ADGRV1: variants seen among roughly 807,000 people sequenced by gnomAD.
ADGRV1 encodes the protein G-protein coupled receptor 98.
In ADGRV1, 359 loss-of-function variants were observed where a neutral mutation model predicts 596.2. The observed-to-expected ratio is 0.60, with a 90% CI of 0.55 to 0.66. ADGRV1 has a LOEUF of 0.66. Among genes scored for constraint, ADGRV1 ranks in the 30% least tolerant of loss-of-function variants. The pLI is 0.00. For missense variants in ADGRV1, 7,274 were observed against 7,575.6 expected (o/e 0.96, Z 1.48); for synonymous variants, 2,681 against 2,679.2 (o/e 1.00, Z -0.02).
At chr5:91,077,566 T>A (rs1484762318) in intron 86 of ADGRV1, among the ~76,000 whole-genome samples, 1 of 152,280 alleles carries the variant, frequency 6.6e-6, no homozygotes, top group East Asian at 1.9e-4. Context: ...ATACACTCAG[T>A]GCTATAGATG....
At chr5:90,577,891 A>T (rs1379132228) in intron 1 of ADGRV1, among the ~76,000 whole-genome samples, 1 of 152,070 alleles carries the variant, frequency 6.6e-6, no homozygotes, top group East Asian at 1.9e-4. Flanking sequence ...TGTGAATGGG[A>T]ATTCACTCAT....
intron 11 of ADGRV1, among the ~76,000 whole-genome samples, chr5:90,641,552 T>A (rs1431556330): frequency 6.6e-6 from 1 of 152,228 alleles, no homozygotes; most frequent in Non-Finnish European, 1.5e-5. Context: ...ATTATGACTG[T>A]TTTAACAATA....
rs1408086664 is a variant in ADGRV1 at position 90,680,582 on chromosome 5, CCTT to C, written c.5525-729_5525-727del. ...GAAGAGCATTTTCTAATCCTCAAAT[CCTT>C]CTTTTTTCACAATGTCAGATTTTAT... On this transcript the variant is annotated intron_variant, in intron 26 of 89. Transcript: ENST00000405460. Among the ~76,000 whole-genome samples, 8 of 152,128 alleles carry C rather than the reference CCTT, an allele frequency of 5.3e-5. No homozygotes were observed. The South Asian group carries it at 1.7e-3, about 32-fold the overall frequency.
intron 82 of ADGRV1, among the ~76,000 whole-genome samples, chr5:90,859,686 TG>T (rs1767359639): frequency 6.6e-6 from 1 of 152,170 alleles, no homozygotes; most frequent in Non-Finnish European, 1.5e-5. Flanking sequence ...TCCAGGTTGA[TG>T]GGGATATTTT....
intron 1 of ADGRV1, among the ~76,000 whole-genome samples, chr5:90,596,178 C>A (rs1760534668): frequency 1.3e-5 from 2 of 148,882 alleles, no homozygotes; most frequent in Admixed American, 6.6e-5. Flanking sequence ...GCGCTCCCCA[C>A]ATCCCAGACG....
chr5:90,974,054 AACAG>A (rs1779321539), intron 84 of ADGRV1, among the ~76,000 whole-genome samples: 1 of 152,186 alleles, frequency 6.6e-6, no homozygotes, highest in East Asian at 1.9e-4. Flanking sequence ...ATACACCAAT[AACAG>A]ACAAACAGAG....
intron 87 of ADGRV1, among the ~76,000 whole-genome samples, chr5:91,112,515 G>A (rs570654162): frequency 4.6e-4 from 70 of 152,230 alleles, no homozygotes; most frequent in South Asian, 6.2e-4. Context: ...AACAAGATGC[G>A]TACGTCCTCT....
At chr5:90,855,966 A>G (rs1385355926) in intron 82 of ADGRV1, 65 bp downstream of exon 82, 2 of 1,343,574 alleles carry the variant, frequency 1.5e-6, no homozygotes, top group Non-Finnish European at 2.1e-6. Flanking sequence ...CTGTTTTCCC[A>G]TAATCCTTTT....
intron 83 of ADGRV1, among the ~76,000 whole-genome samples, chr5:90,923,040 GA>G (rs1364805454): frequency 6.6e-6 from 1 of 152,044 alleles, no homozygotes; most frequent in Non-Finnish European, 1.5e-5. Context: ...GTTATGCTTA[GA>G]ATTTGGGTGT....
intron 36 of ADGRV1, 90 bp from the exon 37 acceptor site, chr5:90,705,310 T>G (rs1748446796): frequency 9.6e-7 from 1 of 1,041,494 alleles, no homozygotes; most frequent in African/African-American, 1.6e-5. Flanking sequence ...ACACTTTTGA[T>G]TACCTTAATG....
At chr5:90,928,554 C>T (rs1289086592) in intron 83 of ADGRV1, among the ~76,000 whole-genome samples, 1 of 150,248 alleles carries the variant, frequency 6.7e-6, no homozygotes, top group Non-Finnish European at 1.5e-5. Context: ...TCAAAGTTTT[C>T]AACTTCTTTG....
At chr5:90,912,425 G>C (rs1772969659) in intron 83 of ADGRV1, among the ~76,000 whole-genome samples, 1 of 152,144 alleles carries the variant, frequency 6.6e-6, no homozygotes, top group South Asian at 2.1e-4. Flanking sequence ...ATGCAGATTT[G>C]TTAGTTACAG....
At chr5:91,041,205 C>G (rs1785317798) in intron 85 of ADGRV1, among the ~76,000 whole-genome samples, 1 of 152,270 alleles carries the variant, frequency 6.6e-6, no homozygotes, top group African/African-American at 2.4e-5. Flanking sequence ...TATTGCAGCA[C>G]TATTCACAAT....
At chr5:90,713,240 T>C (rs2149726857) in intron 42 of ADGRV1, among the ~76,000 whole-genome samples, 1 of 152,206 alleles carries the variant, frequency 6.6e-6, no homozygotes, top group East Asian at 1.9e-4. Context: ...ATTTGATTTG[T>C]AGTAGAAAAT....
At chr5:90,752,944 A>G (rs894975497) in intron 53 of ADGRV1, among the ~76,000 whole-genome samples, 5 of 152,182 alleles carry the variant, frequency 3.3e-5, no homozygotes, top group Non-Finnish European at 7.4e-5. Flanking sequence ...TTGTAGCTGC[A>G]TTGCTGGAGA....
chr5:90,756,999 T>C lies in ADGRV1; in HGVS notation c.11778T>C (p.Thr3926=). The change falls in exon 57 of 90, where the codon ACT becomes ACC. Residue 3926 remains threonine, a synonymous_variant. Coordinates refer to ENST00000405460, the MANE Select transcript of ADGRV1 (RefSeq NM_032119.4). ...TAAAGGGCGCTGGGGAAGTTATTAC[T>C]GCCTATGAGGTGCCTCCACCCTTGA... ...HVTRGAGEVI[T]AYEVPPPLNV... The C allele has an allele frequency of 6.2e-7, 1 of 1,605,892 alleles. No individual in the cohort carries two copies. The highest frequency in any genetic ancestry group is 1.1e-5 in the South Asian group (1 of 89,684).
At chr5:91,048,373 G>A (rs1372108384) in intron 85 of ADGRV1, among the ~76,000 whole-genome samples, 9 of 152,126 alleles carry the variant, frequency 5.9e-5, no homozygotes, top group Non-Finnish European at 1.3e-4. Context: ...GCAACACTTT[G>A]GCCCAATAAA....
chr5:91,153,432 G>A, intron 89 of ADGRV1, 34 bp downstream of exon 89: 1 of 1,449,228 alleles, frequency 6.9e-7, no homozygotes, highest in Non-Finnish European at 9.4e-7. Flanking sequence ...ATTAGAAGTA[G>A]GCACTCTTGC....
chr5:90,858,790 T>C (rs1451638395), intron 82 of ADGRV1, among the ~76,000 whole-genome samples: 2 of 152,202 alleles, frequency 1.3e-5, no homozygotes, highest in Non-Finnish European at 2.9e-5. Flanking sequence ...TCTTCTCTTT[T>C]TATCCTCAAG....
Sources: gnomAD v4.1 joint callset for allele counts (sites outside exome capture counted in the v4.1 genomes callset) on GRCh38, gnomAD v4.1.1 for gene constraint, MANE v1.5 for transcripts, NCBI Gene and HGNC (gene_info 2026-07-23, HGNC 2026-07-21) for gene names.